The following SMYD3 variants were observed in gnomAD, a reference collection of about 807,000 sequenced individuals.
The protein encoded by SMYD3 is histone-lysine N-methyltransferase SMYD3.
SMYD3 carries 36 observed loss-of-function variants against 57.7 expected under a neutral mutation model. The ratio of observed to expected loss-of-function variants is 0.62; its 90% CI spans 0.48 to 0.82. The LOEUF (loss-of-function observed/expected upper bound fraction) is 0.82. Ranked by LOEUF, SMYD3 falls within the 40% of genes least tolerant of loss-of-function variation. The pLI is 0.00. For missense variants in SMYD3, 515 were observed against 538.8 expected (o/e 0.96, Z 0.44); for synonymous variants, 211 against 195.0 (o/e 1.08, Z -0.68).
chr1:246,223,161 A>G (rs964757129), intron 5 of SMYD3, among the ~76,000 whole-genome samples: 2 of 152,098 alleles, frequency 1.3e-5, no homozygotes, highest in African/African-American at 4.8e-5. Context: ...CTCCTCAGGA[A>G]AGAGAGTCTC....
chr1:246,322,510 A>G (rs1302087182), intron 5 of SMYD3: 1 of 152,138 alleles, frequency 6.6e-6, no homozygotes, highest in African/African-American at 2.4e-5. Flanking sequence ...ACAATGTGAA[A>G]AAGAGCCAGC....
At chr1:246,249,234 G>T (rs1171217668) in intron 5 of SMYD3, among the ~76,000 whole-genome samples, 2 of 152,008 alleles carry the variant, frequency 1.3e-5, no homozygotes, top group African/African-American at 4.8e-5. Context: ...CTTCCAAGTA[G>T]CTGGGAGTAC....
intron 5 of SMYD3, among the ~76,000 whole-genome samples, chr1:245,951,053 ATAAGG>A (rs2057618644): frequency 6.6e-6 from 1 of 152,166 alleles, no homozygotes; most frequent in South Asian, 2.1e-4. Context: ...CACAGGACAT[ATAAGG>A]TAAGTGATGA....
chr1:246,364,190 C>T (rs1178702580), intron 1 of SMYD3, among the ~76,000 whole-genome samples: 1 of 141,256 alleles, frequency 7.1e-6, no homozygotes, highest in Non-Finnish European at 1.5e-5. Context: ...AGCTCCAGGA[C>T]TGTAAGGTAA....
chr1:246,151,197 GAC>G (rs1233405416), intron 5 of SMYD3, among the ~76,000 whole-genome samples: 32 of 150,552 alleles, frequency 2.1e-4, no homozygotes, highest in African/African-American at 7.8e-4. Flanking sequence ...AGTGAGCCAA[GAC>G]CGTGCCACTG....
At chr1:246,476,066 C>G (rs2068027166) in intron 1 of SMYD3, among the ~76,000 whole-genome samples, 1 of 152,146 alleles carries the variant, frequency 6.6e-6, no homozygotes, top group African/African-American at 2.4e-5. Flanking sequence ...AGCTATTTTT[C>G]TTTCACTTTA....
intron 1 of SMYD3, among the ~76,000 whole-genome samples, chr1:246,395,068 TCCTGAA>T (rs1486846808): frequency 6.6e-6 from 1 of 152,212 alleles, no homozygotes; most frequent in Admixed American, 6.5e-5. Context: ...TAAGAGAGGC[TCCTGAA>T]CCTAGCTATG....
chr1:246,019,256 C>A (rs1435204699), intron 5 of SMYD3, among the ~76,000 whole-genome samples: 1 of 152,136 alleles, frequency 6.6e-6, no homozygotes, highest in African/African-American at 2.4e-5. Flanking sequence ...GTGGCAAAGG[C>A]CTAGGATACT....
intron 5 of SMYD3, among the ~76,000 whole-genome samples, chr1:246,225,590 T>G (rs555082684): frequency 7.9e-5 from 12 of 152,242 alleles, no homozygotes; most frequent in South Asian, 2.1e-4. Context: ...AGCACACACT[T>G]AACACAGGTG....
intron 1 of SMYD3, among the ~76,000 whole-genome samples, chr1:246,499,843 ACAT>A (rs74821177): frequency 0.089 from 13,570 of 152,146 alleles, 640 homozygotes; most frequent in Middle Eastern, 0.21. Flanking sequence ...CATAAACAAA[ACAT>A]CATCAGCACT....
At chr1:246,114,611 C>A (rs146233753) in intron 5 of SMYD3, among the ~76,000 whole-genome samples, 1 of 152,270 alleles carries the variant, frequency 6.6e-6, no homozygotes, top group Non-Finnish European at 1.5e-5. Flanking sequence ...CATTGCTTCC[C>A]GCTAATAAAC....
At chr1:245,992,393 G>T (rs886635585) in intron 5 of SMYD3, among the ~76,000 whole-genome samples, 2 of 152,278 alleles carry the variant, frequency 1.3e-5, no homozygotes, top group African/African-American at 4.8e-5. Flanking sequence ...CGGGATGCAG[G>T]AATCATTGGG....
intron 1 of SMYD3, among the ~76,000 whole-genome samples, chr1:246,454,787 A>T (rs2067678076): frequency 1.3e-5 from 2 of 152,212 alleles, no homozygotes; most frequent in South Asian, 4.1e-4. Flanking sequence ...GATTTCTTAT[A>T]TAAAGCAACA....
At chr1:246,371,095 G>A (rs1295917925) in intron 1 of SMYD3, among the ~76,000 whole-genome samples, 1 of 152,144 alleles carries the variant, frequency 6.6e-6, no homozygotes, top group Non-Finnish European at 1.5e-5. Context: ...TTTGCTTTAG[G>A]CAAGGTAATG....
chr1:246,160,295 T>C (rs1357297488), intron 5 of SMYD3, among the ~76,000 whole-genome samples: 1 of 152,214 alleles, frequency 6.6e-6, no homozygotes, highest in East Asian at 1.9e-4. Flanking sequence ...CTCTATGTCT[T>C]TCTTTGCCTA....
chr1:246,100,402 A>C (rs562458120), intron 5 of SMYD3, among the ~76,000 whole-genome samples: 1 of 152,250 alleles, frequency 6.6e-6, no homozygotes, highest in East Asian at 1.9e-4. Flanking sequence ...CCCACTCAGG[A>C]GTCACTCCAA....
chr1:246,100,149 C>T (rs1018329069), intron 5 of SMYD3, among the ~76,000 whole-genome samples: 9 of 152,096 alleles, frequency 5.9e-5, no homozygotes, highest in Admixed American at 1.3e-4. Flanking sequence ...AGTTCAAGGC[C>T]GTGGTGAGCT....
intron 1 of SMYD3, among the ~76,000 whole-genome samples, chr1:246,443,580 A>G (rs1021802365): frequency 9.2e-5 from 14 of 152,354 alleles, no homozygotes; most frequent in Admixed American, 8.5e-4. Flanking sequence ...GATGCTAGCC[A>G]GTCTGGGGCA....
chr1:246,249,123 T>A (rs2063758900), intron 5 of SMYD3, among the ~76,000 whole-genome samples: 1 of 152,098 alleles, frequency 6.6e-6, no homozygotes, highest in Non-Finnish European at 1.5e-5. Flanking sequence ...TTTCTTCATT[T>A]GTTTTTGAGA....
Sources: gnomAD v4.1 joint callset for allele counts (sites outside exome capture counted in the v4.1 genomes callset) on GRCh38, gnomAD v4.1.1 for gene constraint, MANE v1.5 for transcripts, NCBI Gene and HGNC (gene_info 2026-07-23, HGNC 2026-07-21) for gene names.